GRIN3A: variants seen among roughly 807,000 people sequenced by gnomAD.
The protein encoded by GRIN3A is glutamate receptor ionotropic, NMDA 3A.
Under a neutral mutation model 92.4 loss-of-function variants are expected in GRIN3A, and 47 were observed. That is an observed-to-expected ratio of 0.51 (90% confidence interval 0.40 to 0.65). The LOEUF (loss-of-function observed/expected upper bound fraction) is 0.65, where lower values mean the gene tolerates loss of function less well. Among genes scored for constraint, GRIN3A ranks in the 30% least tolerant of loss-of-function variants. GRIN3A has a pLI of 0.00. For missense variants in GRIN3A, 1,324 were observed against 1,393.1 expected (o/e 0.95, Z 0.79); for synonymous variants, 527 against 540.6 (o/e 0.97, Z 0.35).
intron 1 of GRIN3A, among the ~76,000 whole-genome samples, chr9:101,701,906 G>C (rs1307201431): frequency 6.6e-6 from 1 of 152,032 alleles, no homozygotes; most frequent in African/African-American, 2.4e-5. Flanking sequence ...TCTCCCACCA[G>C]CTTACAGATA....
chr9:101,709,205 G>A (rs529907696), intron 1 of GRIN3A, among the ~76,000 whole-genome samples: 1 of 152,126 alleles, frequency 6.6e-6, no homozygotes, highest in Non-Finnish European at 1.5e-5. Flanking sequence ...ATATGTTAAT[G>A]TGTATTTGAG....
At chr9:101,690,867 T>C (rs114687318) in intron 1 of GRIN3A, among the ~76,000 whole-genome samples, 2,808 of 152,108 alleles carry the variant, frequency 0.018, 83 homozygotes, top group African/African-American at 0.065. Flanking sequence ...TTTGAGAAAA[T>C]AGATTAGTTA....
chr9:101,648,798 C>T (rs1241824724), intron 3 of GRIN3A, among the ~76,000 whole-genome samples: 2 of 151,990 alleles, frequency 1.3e-5, no homozygotes, highest in African/African-American at 4.8e-5. Context: ...ATCTTTACTT[C>T]GATGCCTGTA....
intron 6 of GRIN3A, chr9:101,594,763 CG>C (rs765497461): frequency 1.9e-6 from 3 of 1,614,066 alleles, no homozygotes; most frequent in Non-Finnish European, 2.5e-6. Flanking sequence ...GCCGCACCAA[CG>C]GGTTGTGGCG....
intron 1 of GRIN3A, among the ~76,000 whole-genome samples, chr9:101,730,945 G>T (rs1471803219): frequency 6.6e-6 from 1 of 151,920 alleles, no homozygotes; most frequent in African/African-American, 2.4e-5. Flanking sequence ...TCCCTGTTAA[G>T]ATTTTTATAA....
intron 1 of GRIN3A, among the ~76,000 whole-genome samples, chr9:101,717,153 A>G (rs1189733931): frequency 6.6e-6 from 1 of 152,250 alleles, no homozygotes; most frequent in Non-Finnish European, 1.5e-5. Flanking sequence ...AAAAGAAAAC[A>G]GATATATGAG....
At chr9:101,737,106 TCTA>T (rs1360205729) in intron 1 of GRIN3A, among the ~76,000 whole-genome samples, 172 bp downstream of exon 1, 1 of 152,124 alleles carries the variant, frequency 6.6e-6, no homozygotes, top group Admixed American at 6.5e-5. Flanking sequence ...TTATTCTACT[TCTA>T]CTAAGCTCCT....
chr9:101,583,441 GTTT>G, intron 6 of GRIN3A, among the ~76,000 whole-genome samples: 1 of 152,150 alleles, frequency 6.6e-6, no homozygotes, highest in African/African-American at 2.4e-5. Flanking sequence ...GGATCACATT[GTTT>G]AAATGTGCTG....
At chr9:101,580,766 A>AC (rs1201823066) in intron 6 of GRIN3A, among the ~76,000 whole-genome samples, 1 of 152,220 alleles carries the variant, frequency 6.6e-6, no homozygotes, top group Non-Finnish European at 1.5e-5. Context: ...AGGAAAGTGG[A>AC]GTTACTGCAA....
intron 2 of GRIN3A, among the ~76,000 whole-genome samples, chr9:101,679,193 T>A (rs1022614006): frequency 3.3e-5 from 5 of 152,210 alleles, no homozygotes; most frequent in Non-Finnish European, 7.3e-5. Flanking sequence ...GAGATAAATC[T>A]GAAAATCAGA....
At chr9:101,729,992 G>A (rs565338329) in intron 1 of GRIN3A, among the ~76,000 whole-genome samples, 7 of 152,236 alleles carry the variant, frequency 4.6e-5, no homozygotes, top group African/African-American at 9.6e-5. Context: ...AGCCTCCTAT[G>A]AGAAGTTATA....
intron 5 of GRIN3A, among the ~76,000 whole-genome samples, chr9:101,622,441 A>T (rs1264725520): frequency 6.6e-6 from 1 of 152,208 alleles, no homozygotes; most frequent in Non-Finnish European, 1.5e-5. Context: ...GCTGGTTCAA[A>T]CTATCAGCTC....
chr9:101,573,233 C>T lies in GRIN3A; in HGVS notation c.3289G>A (p.Val1097Met), dbSNP rs201762945. Residue 1097 changes from valine (V) to methionine (M), a missense_variant, in exon 9 of 9, where the codon GTG becomes ATG. Physicochemically the swap from Val to Met is conservative, Grantham distance 21 (BLOSUM62 1). Transcript: ENST00000361820. ...TCCTCCAGCTCCGTTTTCCTGCTCA[C>T]AGCCAGCTGCAGCTCCTGACGGATC... ...QVIRQELQLA[V>M]SRKTELEEYQ... is the part of the protein sequence containing the mutation. 21 of 1,614,150 alleles carry T rather than the reference C, an allele frequency of 1.3e-5. No homozygotes were observed. Among genetic ancestry groups the T allele is most frequent in the Non-Finnish European group, 1.7e-5 (20 of 1,179,974 alleles).
chr9:101,677,348 TA>T (rs1829411672), intron 2 of GRIN3A, among the ~76,000 whole-genome samples: 1 of 151,992 alleles, frequency 6.6e-6, no homozygotes, highest in Non-Finnish European at 1.5e-5. Context: ...TAATACTCTT[TA>T]TTTTATTTTA....
intron 3 of GRIN3A, among the ~76,000 whole-genome samples, chr9:101,636,369 A>C (rs1458865420): frequency 6.6e-6 from 1 of 152,202 alleles, no homozygotes; most frequent in Non-Finnish European, 1.5e-5. Flanking sequence ...CATTCCAGGC[A>C]CTGTGCCAGG....
intron 1 of GRIN3A, among the ~76,000 whole-genome samples, chr9:101,688,228 T>A (rs754186421): frequency 3.7e-4 from 57 of 152,180 alleles, no homozygotes; most frequent in Non-Finnish European, 6.6e-4. Flanking sequence ...AAGTGTGGCC[T>A]GTCCCTACGT....
intron 6 of GRIN3A, chr9:101,593,509 G>A (rs1233004205): frequency 2.6e-5 from 4 of 152,272 alleles, no homozygotes; most frequent in Non-Finnish European, 5.9e-5. Flanking sequence ...ACTGCAGCCT[G>A]ACTCTACTGC....
chr9:101,730,125 G>A (rs1307559014), intron 1 of GRIN3A, among the ~76,000 whole-genome samples: 8 of 152,044 alleles, frequency 5.3e-5, no homozygotes, highest in Non-Finnish European at 2.9e-5. Context: ...ATATAAAGGA[G>A]CAACTAGGTA....
rs550055526 is a variant in GRIN3A at position 101,717,709 on chromosome 9, A to G, written c.699+19572T>C. On this transcript the variant is annotated intron_variant, in intron 1 of 8. Transcript: ENST00000361820. ...TGACTTTCTCTAATTTTAAATGTCAAGAATGTTTGGCTACAAAAATATAGA... is the reference window on the plus strand; with the variant it reads ...TGACTTTCTCTAATTTTAAATGTCAGGAATGTTTGGCTACAAAAATATAGA... Among the ~76,000 whole-genome samples the G allele has an allele frequency of 1.5e-4, 8 of 54,314 alleles. No individual in the cohort carries two copies. The South Asian group carries it at 4.4e-3, about 30-fold the overall frequency. 35.6% of individuals were successfully genotyped at this position (54,314 alleles called of 152,430 possible).
Sources: gnomAD v4.1 joint callset for allele counts (sites outside exome capture counted in the v4.1 genomes callset) on GRCh38, gnomAD v4.1.1 for gene constraint, MANE v1.5 for transcripts, NCBI Gene and HGNC (gene_info 2026-07-23, HGNC 2026-07-21) for gene names.